ATP13A3: variants seen among roughly 807,000 people sequenced by gnomAD.
The protein encoded by ATP13A3 is polyamine-transporting ATPase 13A3.
A neutral mutation model predicts 158.1 loss-of-function variants in ATP13A3; 59 were observed. That is an observed-to-expected ratio of 0.37 (90% confidence interval 0.30 to 0.46). ATP13A3 has a LOEUF of 0.46. Among genes scored for constraint, ATP13A3 ranks in the 20% least tolerant of loss-of-function variants. The pLI, the probability that ATP13A3 is intolerant of heterozygous loss-of-function variation, is 1.00. For missense variants in ATP13A3, 1,166 were observed against 1,525.2 expected (o/e 0.76, Z 3.92); for synonymous variants, 491 against 504.3 (o/e 0.97, Z 0.35).
At chr3:194,493,059 A>T (rs917240307) in intron 2 of ATP13A3, among the ~76,000 whole-genome samples, 1 of 151,614 alleles carries the variant, frequency 6.6e-6, no homozygotes, top group Non-Finnish European at 1.5e-5. Context: ...GCCTAAGCGC[A>T]GGAGTTTGAG....
chr3:194,436,336 G>A (rs1717635844), intron 20 of ATP13A3, among the ~76,000 whole-genome samples: 1 of 152,176 alleles, frequency 6.6e-6, no homozygotes, highest in South Asian at 2.1e-4. Flanking sequence ...TTGACGGGGG[G>A]ACATGGAGAG....
At chr3:194,472,270 C>CAAA (rs113128513) in intron 2 of ATP13A3, among the ~76,000 whole-genome samples, 112 of 144,456 alleles carry the variant, frequency 7.8e-4, no homozygotes, top group African/African-American at 2.8e-3. Context: ...GCACAGTAGC[C>CAAA]AAAAAAAAAA....
At chr3:194,422,971 C>A (rs1042274295) in intron 30 of ATP13A3, among the ~76,000 whole-genome samples, 1 of 150,320 alleles carries the variant, frequency 6.7e-6, no homozygotes, top group African/African-American at 2.5e-5. Flanking sequence ...GATACATAGG[C>A]CCTGAATAGG....
In ATP13A3 at chr3:194,448,947, T is replaced by C. The variant is rs80094287; in HGVS notation, c.971-311A>G. On this transcript the variant is annotated intron_variant, in intron 11 of 33. Coordinates refer to ENST00000645319, the MANE Select transcript of ATP13A3 (RefSeq NM_001367549.1). This position sits in a 1 kb window ranked among gnomAD's most constrained non-coding sequence, Gnocchi z 4.0. ...CAGTTTCAAATAATTTCAAAAAAGATTAAGTAGTTGCTATAGTCCCTGCAC... is the reference window on the plus strand; with the variant it reads ...CAGTTTCAAATAATTTCAAAAAAGACTAAGTAGTTGCTATAGTCCCTGCAC... Among the ~76,000 whole-genome samples the C allele has an allele frequency of 3.6e-3, 546 of 151,998 alleles. 4 individuals are homozygous for C. The highest frequency in any genetic ancestry group is 0.012 in the African/African-American group (514 of 41,440).
At chr3:194,471,186 G>C (rs186855688) in intron 2 of ATP13A3, among the ~76,000 whole-genome samples, 1 of 151,836 alleles carries the variant, frequency 6.6e-6, no homozygotes, top group African/African-American at 2.4e-5. Flanking sequence ...TCTTACCCCA[G>C]GCAAGAGAAA....
At chr3:194,464,541 A>T (rs1469932592) in intron 2 of ATP13A3, among the ~76,000 whole-genome samples, 1 of 152,234 alleles carries the variant, frequency 6.6e-6, no homozygotes, top group African/African-American at 2.4e-5. Context: ...TGGTGAGAAT[A>T]AGCCCAACCT....
chr3:194,419,705 A>T, intron 31 of ATP13A3, 174 bp downstream of exon 31: 1 of 849,298 alleles, frequency 1.2e-6, no homozygotes, highest in Non-Finnish European at 1.4e-6. Context: ...GCAGAGATTA[A>T]ACAGGTATAG....
chr3:194,433,892 C>T lies in ATP13A3; in HGVS notation c.2125G>A (p.Ala709Thr), dbSNP rs1160815859. 1 of 1,613,402 alleles carries T rather than the reference C, an allele frequency of 6.2e-7. No individual in the cohort carries two copies. Among genetic ancestry groups the T allele is most frequent in the African/African-American group, 1.3e-5 (1 of 75,000 alleles). Residue 709 changes from alanine to threonine, a missense_variant, in exon 21 of 34, where the codon GCA becomes ACA. Coordinates refer to ENST00000645319, the MANE Select transcript of ATP13A3 (RefSeq NM_001367549.1). ...ATAAAATCCATGTTGTTCTCAATTG[C>T]ATCTCTGCAGAAAAAGAAGTTTTAA... ...WHKVQNISRD[A>T]IENNMDFMGL...
intron 10 of ATP13A3, chr3:194,450,583 C>A: frequency 6.9e-6 from 2 of 289,904 alleles, no homozygotes; most frequent in South Asian, 4.2e-5. Flanking sequence ...TGACTATTAG[C>A]CTAAGGAAGA....
chr3:194,460,033 A>G (rs1412873741), intron 4 of ATP13A3, 62 bp from the exon 5 acceptor site: 2 of 1,312,866 alleles, frequency 1.5e-6, no homozygotes, highest in Non-Finnish European at 2.1e-6. Context: ...CTATATTTTC[A>G]TTTATTTTCC....
At chr3:194,438,537 G>A (rs1266641805) in intron 17 of ATP13A3, among the ~76,000 whole-genome samples, 1 of 152,220 alleles carries the variant, frequency 6.6e-6, no homozygotes, top group Non-Finnish European at 1.5e-5. Context: ...CAACACAGAG[G>A]TGTAGTTTCT....
chr3:194,433,389 A>G (rs905491059), intron 21 of ATP13A3, among the ~76,000 whole-genome samples: 22 of 151,886 alleles, frequency 1.4e-4, no homozygotes, highest in African/African-American at 2.4e-4. Flanking sequence ...GACTACAGGC[A>G]CCCGCCACCG....
chr3:194,468,111 C>T (rs1038079940), intron 2 of ATP13A3: 1 of 152,104 alleles, frequency 6.6e-6, no homozygotes. Flanking sequence ...TCGGTTCTGT[C>T]TGAACTGCTT....
chr3:194,421,944 C>CAAA (rs397972334), intron 30 of ATP13A3, among the ~76,000 whole-genome samples: 2,398 of 97,436 alleles, frequency 0.025, 92 homozygotes, highest in East Asian at 0.086. Context: ...GTGTCGTTGG[C>CAAA]AAAAAAAAAA....
intron 20 of ATP13A3, among the ~76,000 whole-genome samples, 196 bp from the exon 21 acceptor site, chr3:194,434,092 T>A (rs1051917193): frequency 2.6e-5 from 4 of 152,240 alleles, no homozygotes; most frequent in Non-Finnish European, 2.9e-5. Flanking sequence ...AATATAATAA[T>A]CATTTGGAAA....
chr3:194,433,465 A>G (rs934508475), intron 21 of ATP13A3, among the ~76,000 whole-genome samples: 46 of 151,842 alleles, frequency 3.0e-4, no homozygotes, highest in African/African-American at 2.7e-4. Context: ...GGATGGTCTC[A>G]ATCTCCTGAC....
Position 194,447,905 on chromosome 3 carries a change from C to T in ATP13A3, c.1255G>A (p.Ala419Thr). The T allele has an allele frequency of 6.2e-7, 1 of 1,611,934 alleles. No homozygotes were observed. The highest frequency in any genetic ancestry group is 8.5e-7 in the Non-Finnish European group (1 of 1,178,322). Residue 419 changes from alanine (A) to threonine (T), a missense_variant, in exon 13 of 34, where the codon GCA becomes ACA. Coordinates refer to ENST00000645319, the MANE Select transcript of ATP13A3 (RefSeq NM_001367549.1). ...DAYLFLLCLVAVAGIGFIYTI... is the reference protein window; with the variant it reads ...DAYLFLLCLVTVAGIGFIYTI... ...TAGATAAACCCAATGCCAGCAACTG[C>T]CACAAGACATAGTAGAAACAAGTAG...
chr3:194,443,323 G>A (rs1327208134), intron 15 of ATP13A3, among the ~76,000 whole-genome samples: 1 of 152,076 alleles, frequency 6.6e-6, no homozygotes, highest in African/African-American at 2.4e-5. Flanking sequence ...TATAAATATT[G>A]ATAATGTAAG....
In ATP13A3 at chr3:194,404,221, T is replaced by G; in HGVS notation, c.*1698A>C. 1 of 409,156 alleles carries G rather than the reference T, an allele frequency of 2.4e-6. No individual in the cohort carries two copies. Among genetic ancestry groups the G allele is most frequent in the South Asian group, 1.8e-5 (1 of 56,408 alleles). 25.3% of individuals were successfully genotyped at this position (409,156 alleles called of 1,614,324 possible). ...AGAATCATTCATGGAACAACTGTTA[T>G]CATCTAATGTGTATTAATAGCATAT... On this transcript the variant is annotated 3_prime_UTR_variant, in exon 34 of 34. Transcript: ENST00000645319.
Sources: allele counts gnomAD v4.1 joint callset (sites outside exome capture counted in the v4.1 genomes callset), GRCh38; gene constraint gnomAD v4.1.1; non-coding constraint Gnocchi (gnomAD v3.1); transcripts MANE v1.5; gene names NCBI Gene and HGNC (gene_info 2026-07-23, HGNC 2026-07-21).